Variants in ZNF385D observed in about 807,000 individuals in gnomAD.
The protein encoded by ZNF385D is zinc finger protein 385D.
In ZNF385D, 15 loss-of-function variants were observed where a neutral mutation model predicts 35.8. That is an observed-to-expected ratio of 0.42 (90% CI 0.28 to 0.64). ZNF385D has a LOEUF of 0.64. Among genes scored for constraint, ZNF385D ranks in the 30% least tolerant of loss-of-function variants. ZNF385D has a pLI of 0.23. For synonymous variants in ZNF385D, 212 were observed against 186.8 expected (o/e 1.13, Z -1.10); for missense variants, 474 against 494.6 (o/e 0.96, Z 0.39).
chr3:21,562,094 A>T (rs1318304692), intron 3 of ZNF385D: 1 of 152,102 alleles, frequency 6.6e-6, no homozygotes, highest in Non-Finnish European at 1.5e-5. Context: ...TGCCACACAG[A>T]CCTGAAAGCA....
chr3:22,123,370 G>T (rs898367998), intron 3 of ZNF385D, among the ~76,000 whole-genome samples: 2 of 151,900 alleles, frequency 1.3e-5, no homozygotes, highest in African/African-American at 4.8e-5. Context: ...TATATTTACG[G>T]GATATTTTGG....
At chr3:22,196,782 T>C (rs1696451617) in intron 2 of ZNF385D, among the ~76,000 whole-genome samples, 1 of 152,076 alleles carries the variant, frequency 6.6e-6, no homozygotes, top group African/African-American at 2.4e-5. Context: ...TTTTTTAGTT[T>C]TACTACACAT....
At chr3:21,599,725 C>T (rs2064226465) in intron 2 of ZNF385D, among the ~76,000 whole-genome samples, 2 of 152,168 alleles carry the variant, frequency 1.3e-5, no homozygotes, top group African/African-American at 4.8e-5. Context: ...CTCCAAGAAG[C>T]CACTTGTATT....
chr3:21,765,389 A>T (rs907040307), intron 3 of ZNF385D, among the ~76,000 whole-genome samples: 4 of 152,110 alleles, frequency 2.6e-5, no homozygotes, highest in African/African-American at 7.2e-5. Flanking sequence ...CTTATTTCAT[A>T]TGAAATACAC....
intron 3 of ZNF385D, among the ~76,000 whole-genome samples, chr3:22,138,078 A>C (rs1192338546): frequency 6.6e-6 from 1 of 152,156 alleles, no homozygotes; most frequent in African/African-American, 2.4e-5. Flanking sequence ...TGCTTCAAAG[A>C]GAAGAAAATA....
chr3:21,896,680 T>A (rs1206982677), intron 3 of ZNF385D, among the ~76,000 whole-genome samples: 1 of 152,146 alleles, frequency 6.6e-6, no homozygotes, highest in Non-Finnish European at 1.5e-5. Flanking sequence ...TCTGATGCAA[T>A]GATGCATGGA....
intron 3 of ZNF385D, among the ~76,000 whole-genome samples, chr3:22,098,164 G>C (rs1051684038): frequency 2.0e-5 from 3 of 152,024 alleles, no homozygotes; most frequent in African/African-American, 7.2e-5. Context: ...TTGAGTTCAA[G>C]ATAGATTTAA....
chr3:21,945,145 C>CATATATGTAT lies in ZNF385D; in HGVS notation c.325+223671_325+223672insATACATATAT, dbSNP rs1575977644. On this transcript the variant is annotated intron_variant, in intron 3 of 5. Coordinates refer to the ZNF385D transcript ENST00000494108. ...ACGTGTGTGTATATATATGTATATG[C>CATATATGTAT]ATATATATATACACACACATATATA... 2.6e-5 allele frequency among the ~76,000 whole-genome samples: 4 copies of CATATATGTAT among 151,244 alleles called. No individual in the cohort carries two copies. The East Asian group carries it at 5.8e-4, about 22-fold the overall frequency.
intron 4 of ZNF385D, among the ~76,000 whole-genome samples, chr3:21,451,003 T>A (rs981675606): frequency 2.6e-5 from 4 of 151,996 alleles, no homozygotes; most frequent in African/African-American, 9.7e-5. Flanking sequence ...GCTTATTAAC[T>A]TTTTTTTCAA....
chr3:22,216,065 C>T (rs1350586197), intron 2 of ZNF385D, among the ~76,000 whole-genome samples: 1 of 152,000 alleles, frequency 6.6e-6, no homozygotes. Flanking sequence ...AAATATATCC[C>T]TACTGACTTC....
intron 3 of ZNF385D, among the ~76,000 whole-genome samples, chr3:21,860,180 G>C (rs145968354): frequency 6.6e-6 from 1 of 151,858 alleles, no homozygotes; most frequent in South Asian, 2.1e-4. Flanking sequence ...GGTTGTTTTT[G>C]ACCAAGGTTG....
At chr3:22,173,880 C>T (rs1694636674) in intron 2 of ZNF385D, among the ~76,000 whole-genome samples, 1 of 152,092 alleles carries the variant, frequency 6.6e-6, no homozygotes. Context: ...CAATATGGAA[C>T]ACAGTTGTAA....
rs553525077 is a variant in ZNF385D at position 21,608,289 on chromosome 3, G to A, written c.166-43605C>T. Among the ~76,000 whole-genome samples, 39 of 152,142 alleles carry A rather than the reference G, an allele frequency of 2.6e-4. No homozygotes were observed. The Middle Eastern group carries it at 0.01, about 40-fold the overall frequency. ...CTCCTAAAGTGCTGGGATTACAGGC[G>A]TGAGCCACTGCGCCCAGCCCTAAAT... On this transcript the variant is annotated intron_variant, in intron 2 of 7. Coordinates refer to ENST00000281523, the MANE Select transcript of ZNF385D (RefSeq NM_024697.3).
At chr3:21,726,542 A>T (rs1450022102) in intron 1 of ZNF385D, among the ~76,000 whole-genome samples, 2 of 152,212 alleles carry the variant, frequency 1.3e-5, no homozygotes, top group Admixed American at 1.3e-4. Context: ...TAACAAACAG[A>T]GAGCCAAATC....
intron 2 of ZNF385D, among the ~76,000 whole-genome samples, chr3:22,322,439 A>T (rs1341546548): frequency 6.6e-6 from 1 of 152,178 alleles, no homozygotes; most frequent in Non-Finnish European, 1.5e-5. Context: ...AGTACTATAA[A>T]GGAGAAACAC....
chr3:21,870,071 T>C (rs1222907951), intron 3 of ZNF385D, among the ~76,000 whole-genome samples: 1 of 152,138 alleles, frequency 6.6e-6, no homozygotes, highest in East Asian at 1.9e-4. Flanking sequence ...ATTTGAACAG[T>C]AATTCCAAAA....
intron 3 of ZNF385D, among the ~76,000 whole-genome samples, chr3:21,941,965 T>C (rs1255613693): frequency 1.3e-5 from 2 of 152,220 alleles, no homozygotes; most frequent in Non-Finnish European, 2.9e-5. Flanking sequence ...CATTAGGTTA[T>C]ATACAATTAT....
chr3:21,821,632 A>C (rs982624861), intron 3 of ZNF385D, among the ~76,000 whole-genome samples: 1 of 152,174 alleles, frequency 6.6e-6, no homozygotes, highest in East Asian at 1.9e-4. Context: ...TAACCAGAAA[A>C]ATGTAAATTA....
chr3:21,481,669 C>T lies in ZNF385D; in HGVS notation c.439+29192G>A, dbSNP rs573039217. 2.0e-5 allele frequency among the ~76,000 whole-genome samples: 3 copies of T among 152,188 alleles called. No homozygotes were observed. The East Asian group carries it at 5.8e-4, about 29-fold the overall frequency. On this transcript the variant is annotated intron_variant, in intron 4 of 7. Coordinates refer to ENST00000281523, the MANE Select transcript of ZNF385D (RefSeq NM_024697.3). Reference sequence around the variant, plus strand: ...TTGCCTCCACAAAGTGCTGGGATTACAGGTGACAGCCACCACTCCTGGCCT... The same window carrying T: ...TTGCCTCCACAAAGTGCTGGGATTATAGGTGACAGCCACCACTCCTGGCCT...
Sources: gnomAD v4.1 joint callset for allele counts (sites outside exome capture counted in the v4.1 genomes callset) on GRCh38, gnomAD v4.1.1 for gene constraint, MANE v1.5 for transcripts, NCBI Gene and HGNC (gene_info 2026-07-23, HGNC 2026-07-21) for gene names.